Variants in TMEM132D observed in about 807,000 individuals in gnomAD.
The protein encoded by TMEM132D is transmembrane protein 132D, also known as mature OL transmembrane protein.
TMEM132D carries 21 observed loss-of-function variants against 62.3 expected under a neutral mutation model. That is an observed-to-expected ratio of 0.34 (90% CI 0.24 to 0.49). TMEM132D has a LOEUF of 0.49. Among genes scored for constraint, TMEM132D ranks in the 20% least tolerant of loss-of-function variants. TMEM132D has a pLI of 0.99. For missense variants in TMEM132D, 1,346 were observed against 1,402.8 expected, an observed-to-expected ratio of 0.96 and a Z score of 0.65; for synonymous variants, 621 against 575.6, an observed-to-expected ratio of 1.08 and a Z score of -1.13.
intron 1 of TMEM132D, among the ~76,000 whole-genome samples, chr12:129,794,590 A>C (rs1228029582): frequency 6.6e-6 from 1 of 152,206 alleles, no homozygotes; most frequent in Non-Finnish European, 1.5e-5. Flanking sequence ...AGAAAATGAT[A>C]CTGTATGATA....
At chr12:129,523,548 T>C (rs1202621520) in intron 3 of TMEM132D, among the ~76,000 whole-genome samples, 1 of 152,200 alleles carries the variant, frequency 6.6e-6, no homozygotes, top group African/African-American at 2.4e-5. Context: ...CAGCTCCGGC[T>C]AGCAAAGACG....
intron 2 of TMEM132D, among the ~76,000 whole-genome samples, chr12:129,652,589 G>C (rs900589298): frequency 7.2e-5 from 11 of 152,192 alleles, no homozygotes; most frequent in East Asian, 1.9e-4. Flanking sequence ...CTGGGTTTTA[G>C]GATGCAGGAA....
intron 8 of TMEM132D, among the ~76,000 whole-genome samples, chr12:129,075,917 T>TCCTCCCTC (rs377474059): frequency 2.6e-5 from 4 of 151,978 alleles, no homozygotes; most frequent in South Asian, 2.1e-4. Context: ...ATCCATTGCT[T>TCCTCCCTC]CCTCCCTCCC....
chr12:129,175,702 C>G (rs1042888124), intron 5 of TMEM132D, among the ~76,000 whole-genome samples: 18 of 152,142 alleles, frequency 1.2e-4, no homozygotes, highest in Admixed American at 5.2e-4. Flanking sequence ...CAGTGAAACT[C>G]CATCTCTAAA....
intron 2 of TMEM132D, among the ~76,000 whole-genome samples, chr12:129,668,317 C>A (rs1022249740): frequency 6.7e-6 from 1 of 150,078 alleles, no homozygotes; most frequent in Non-Finnish European, 1.5e-5. Flanking sequence ...TATAATTGTT[C>A]TGTAAAATTG....
At chr12:129,745,372 A>G (rs942822337) in intron 1 of TMEM132D, among the ~76,000 whole-genome samples, 1 of 152,180 alleles carries the variant, frequency 6.6e-6, no homozygotes, top group African/African-American at 2.4e-5. Context: ...GGATGTGGTC[A>G]TTGTTATAAA....
At chr12:129,179,374 G>C (rs1029566379) in intron 5 of TMEM132D, among the ~76,000 whole-genome samples, 2 of 151,830 alleles carry the variant, frequency 1.3e-5, no homozygotes, top group Non-Finnish European at 2.9e-5. Flanking sequence ...GGTGCAAAGC[G>C]ACAGCTGTAA....
At chr12:129,190,461 C>T (rs1878360200) in intron 5 of TMEM132D, among the ~76,000 whole-genome samples, 1 of 47,142 alleles carries the variant, frequency 2.1e-5, no homozygotes, top group Non-Finnish European at 4.3e-5. Flanking sequence ...CTCAGGCCTG[C>T]AGATGGAGGG....
chr12:129,318,685 G>T (rs1193543921), intron 4 of TMEM132D, among the ~76,000 whole-genome samples: 1 of 152,156 alleles, frequency 6.6e-6, no homozygotes, highest in Non-Finnish European at 1.5e-5. Context: ...TCCCAAGGTT[G>T]TATGCTCTTT....
At chr12:129,768,184 G>C (rs1455728040) in intron 1 of TMEM132D, among the ~76,000 whole-genome samples, 2 of 152,090 alleles carry the variant, frequency 1.3e-5, no homozygotes, top group Non-Finnish European at 2.9e-5. Context: ...AAATAAAGGT[G>C]CACAAATTTC....
intron 2 of TMEM132D, among the ~76,000 whole-genome samples, chr12:129,563,157 C>T (rs1877283079): frequency 6.6e-6 from 1 of 152,182 alleles, no homozygotes; most frequent in South Asian, 2.1e-4. Flanking sequence ...TCCAAACATA[C>T]ATCTGGAATG....
chr12:129,484,520 AC>A (rs1214979073), intron 3 of TMEM132D, among the ~76,000 whole-genome samples: 1 of 152,226 alleles, frequency 6.6e-6, no homozygotes, highest in Admixed American at 6.5e-5. Flanking sequence ...GAGAAAAGTC[AC>A]CCAGCTCTCC....
chr12:129,294,352 C>T (rs753028235), intron 4 of TMEM132D, among the ~76,000 whole-genome samples: 1 of 152,118 alleles, frequency 6.6e-6, no homozygotes, highest in Non-Finnish European at 1.5e-5. Flanking sequence ...ATAAAATCAT[C>T]AATTGCCTTC....
Position 129,321,542 on chromosome 12 carries a change from T to C in TMEM132D, c.1299+16092A>G, listed in dbSNP as rs73422260. Among the ~76,000 whole-genome samples, 1,409 of 152,162 alleles carry C rather than the reference T, an allele frequency of 9.3e-3. 30 individuals are homozygous for C. The highest frequency in any genetic ancestry group is 0.032 in the African/African-American group (1,343 of 41,478). On this transcript the variant is annotated intron_variant, in intron 4 of 8. Transcript: ENST00000422113. ...ATGTGGTCCTCACGCCTCAGGACCA[T>C]GGCATGAGGCAGATCTTTTCTTTTT...
At chr12:129,589,091 G>A (rs985458762) in intron 2 of TMEM132D, among the ~76,000 whole-genome samples, 5 of 151,968 alleles carry the variant, frequency 3.3e-5, no homozygotes, top group African/African-American at 7.3e-5. Context: ...GAGGTGATAC[G>A]GTTTAGCTGT....
intron 3 of TMEM132D, among the ~76,000 whole-genome samples, chr12:129,474,474 G>A (rs1035127009): frequency 6.6e-6 from 1 of 152,168 alleles, no homozygotes; most frequent in African/African-American, 2.4e-5. Flanking sequence ...AGGATCACTG[G>A]TGCTCAAAGG....
chr12:129,413,983 C>T (rs751977447), intron 3 of TMEM132D, among the ~76,000 whole-genome samples: 7 of 152,282 alleles, frequency 4.6e-5, no homozygotes, highest in Middle Eastern at 3.4e-3. Flanking sequence ...AGAACACAAC[C>T]GACACAAATC....
chr12:129,401,815 C>G (rs1871632645), intron 3 of TMEM132D, among the ~76,000 whole-genome samples: 1 of 152,120 alleles, frequency 6.6e-6, no homozygotes, highest in South Asian at 2.1e-4. Context: ...TCTCCTGCCT[C>G]CTCACTCTCA....
At chr12:129,704,388 G>A (rs1371965790) in intron 1 of TMEM132D, among the ~76,000 whole-genome samples, 1 of 152,220 alleles carries the variant, frequency 6.6e-6, no homozygotes, top group Admixed American at 6.5e-5. Flanking sequence ...AACCAGCTTT[G>A]CCATCAGCTG....
Sources: gnomAD v4.1 joint callset for allele counts (sites outside exome capture counted in the v4.1 genomes callset) on GRCh38, gnomAD v4.1.1 for gene constraint, MANE v1.5 for transcripts, NCBI Gene and HGNC (gene_info 2026-07-23, HGNC 2026-07-21) for gene names.